Variants in SLC28A3 observed in about 807,000 individuals in gnomAD.
SLC28A3 encodes concentrative Na(+)-nucleoside cotransporter 3.
Under a neutral mutation model 84.2 loss-of-function variants are expected in SLC28A3, and 68 were observed. That is an observed-to-expected ratio of 0.81 (90% CI 0.66 to 0.99). SLC28A3 has a LOEUF of 0.99. Ranked by LOEUF, SLC28A3 falls within the 50% of genes least tolerant of loss-of-function variation. The pLI is 0.00. For synonymous variants in SLC28A3, 267 were observed against 303.6 expected (o/e 0.88, Z 1.25); for missense variants, 712 against 841.5 (o/e 0.85, Z 1.90).
chr9:84,285,437 C>A lies in SLC28A3; in HGVS notation c.1555G>T (p.Glu519Ter), dbSNP rs1357715870. The part of the protein sequence containing the change: ...RLIGYKTFFN[E>*]FVAYEHLSKW... ...GAGAGGTGCTCATAAGCCACAAATT[C>A]ATTGAAGAAGGTCTTATAACCTATG... The change falls in exon 14 of 18, where the codon GAA becomes TAA. Residue 519 changes from glutamate (E) to a stop codon, truncating the protein, a stop_gained. Coordinates refer to ENST00000376238, the MANE Select transcript of SLC28A3 (RefSeq NM_001199633.2). LOFTEE classifies it high-confidence loss of function. 2 of 1,614,182 alleles carry A rather than the reference C, an allele frequency of 1.2e-6. No individual in the cohort carries two copies. Among genetic ancestry groups the A allele is most frequent in the Admixed American group, 3.3e-5 (2 of 60,032 alleles).
intron 8 of SLC28A3, 49 bp downstream of exon 8, chr9:84,297,172 G>A (rs1588579539): frequency 2.0e-6 from 3 of 1,517,874 alleles, no homozygotes; most frequent in Non-Finnish European, 2.7e-6. Flanking sequence ...TACAAAGACA[G>A]AAGCCGCTGA....
the SLC28A3 span, among the ~76,000 whole-genome samples, chr9:84,359,689 A>G: frequency 6.6e-6 from 1 of 152,210 alleles, no homozygotes; most frequent in African/African-American, 2.4e-5. Flanking sequence ...GAAAAGATAA[A>G]GTATTAAATA....
intron 5 of SLC28A3, among the ~76,000 whole-genome samples, chr9:84,301,472 A>G (rs58447360): frequency 0.082 from 12,466 of 152,082 alleles, 1,676 homozygotes; most frequent in African/African-American, 0.28. Context: ...CTCCCATTGA[A>G]TAAAATTGGA....
At chr9:84,346,658 G>A in the SLC28A3 span, among the ~76,000 whole-genome samples, 1 of 152,174 alleles carries the variant, frequency 6.6e-6, no homozygotes, top group Non-Finnish European at 1.5e-5. Context: ...GGGGAAAAAG[G>A]AAAGCAATGA....
intron 1 of SLC28A3, among the ~76,000 whole-genome samples, chr9:84,314,124 CTTAGATG>C (rs1826087097): frequency 6.6e-6 from 1 of 151,986 alleles, no homozygotes; most frequent in South Asian, 2.1e-4. Context: ...TAGCCTTATT[CTTAGATG>C]TTAGATTTAC....
intron 1 of SLC28A3, among the ~76,000 whole-genome samples, chr9:84,325,099 A>G (rs7033971): frequency 0.095 from 14,416 of 152,198 alleles, 2,088 homozygotes; most frequent in African/African-American, 0.31. Context: ...TTTGCAATCA[A>G]TGAGGATCCC....
Position 84,315,681 on chromosome 9 carries a change from C to T in SLC28A3, c.61-2227G>A, listed in dbSNP as rs145589135. ...AGTATTTTCTGGAAGAACAATATCT[C>T]CCACTTGAGGATTTCCAACAGAATT... is the stretch of plus-strand genomic sequence containing the variant. On this transcript the variant is annotated intron_variant, in intron 1 of 17. Transcript: ENST00000376238. 4.7e-4 allele frequency among the ~76,000 whole-genome samples: 72 copies of T among 152,266 alleles called. No homozygotes were observed. The East Asian group carries it at 8.1e-3, about 17-fold the overall frequency.
rs141071406 is a variant in SLC28A3 at position 84,302,951 on chromosome 9, A to G, written c.335-562T>C. Among the ~76,000 whole-genome samples the G allele has an allele frequency of 3.9e-3, 588 of 152,332 alleles. 10 individuals carry two copies. The East Asian group carries it at 0.046, about 12-fold the overall frequency. Reference sequence around the variant, plus strand: ...TTCTAGGATAAGAATAAGGTTTCCTATTCTTAAAGGTCTGCAAAGATGTTC... The same window carrying G: ...TTCTAGGATAAGAATAAGGTTTCCTGTTCTTAAAGGTCTGCAAAGATGTTC... On this transcript the variant is annotated intron_variant, in intron 4 of 17. Transcript: ENST00000376238.
intron 14 of SLC28A3, among the ~76,000 whole-genome samples, chr9:84,283,931 A>G (rs1177488233): frequency 1.3e-5 from 2 of 152,162 alleles, no homozygotes; most frequent in Admixed American, 6.5e-5. Flanking sequence ...GAGAAACAAA[A>G]TGCCTTTCCC....
intron 16 of SLC28A3, 83 bp downstream of exon 16, chr9:84,279,892 A>G (rs1211435896): frequency 1.5e-6 from 2 of 1,321,178 alleles, no homozygotes; most frequent in Non-Finnish European, 1.1e-6. Context: ...CGTGTGCTGC[A>G]CATGCAAGCT....
intron 1 of SLC28A3, 50 bp from the exon 2 acceptor site, chr9:84,313,504 A>G (rs1194072790): frequency 6.7e-7 from 1 of 1,486,340 alleles, no homozygotes; most frequent in Admixed American, 1.8e-5. Context: ...GCCAAAAGAC[A>G]GATGTTCTTT....
chr9:84,314,845 A>G (rs1025549571), intron 1 of SLC28A3, among the ~76,000 whole-genome samples: 4 of 152,194 alleles, frequency 2.6e-5, no homozygotes, highest in Admixed American at 6.5e-5. Flanking sequence ...TTGGGAGGCC[A>G]AGGTGGGCGG....
At position 84,279,256 on chromosome 9, in the gene SLC28A3, A is replaced by T; in HGVS notation, c.1949+9T>A. 6.2e-7 allele frequency: 1 copy of T among 1,604,632 alleles called. No homozygotes were observed. The highest frequency in any genetic ancestry group is 8.5e-7 in the Non-Finnish European group (1 of 1,176,758). On this transcript the variant is annotated intron_variant, in intron 17 of 17. Transcript: ENST00000376238. ...GAGTATAAAGAAATTATAATCAAGA[A>T]TACAATACCTGCTCAACAGACTTTG...
In SLC28A3 at chr9:84,286,062, T is replaced by G. The variant is rs755511024; in HGVS notation, c.1330A>C (p.Ile444Leu). 3 of 1,614,036 alleles carry G rather than the reference T, an allele frequency of 1.9e-6. No homozygotes were observed. The highest frequency in any genetic ancestry group is 2.5e-6 in the Non-Finnish European group (3 of 1,179,962). The change falls in exon 13 of 18, where the codon ATC (isoleucine) becomes CTC (leucine). Residue 444 changes from isoleucine (I) to leucine (L), a missense_variant. By Grantham distance (5) the Ile-to-Leu change is conservative. Coordinates refer to ENST00000376238, the MANE Select transcript of SLC28A3 (RefSeq NM_001199633.2). ...EAATQGASSSISLVANIAVNL... is the reference protein window; with the variant it reads ...EAATQGASSSLSLVANIAVNL... Reference sequence around the variant, plus strand: ...ACAGCGATGTTGGCCACCAGGGAGATGGAGGAGGATGCTCCCTGTGTTGCA... The same window carrying G: ...ACAGCGATGTTGGCCACCAGGGAGAGGGAGGAGGATGCTCCCTGTGTTGCA...
intron 1 of SLC28A3, among the ~76,000 whole-genome samples, chr9:84,321,789 T>C (rs1259854205): frequency 1.4e-5 from 2 of 144,208 alleles, no homozygotes; most frequent in Admixed American, 1.4e-4. Context: ...TGGTGGCTCA[T>C]GCCTATAATC....
intron 1 of SLC28A3, among the ~76,000 whole-genome samples, chr9:84,333,312 C>A (rs995027574): frequency 6.6e-6 from 1 of 152,040 alleles, no homozygotes; most frequent in African/African-American, 2.4e-5. Context: ...TCCTTGTGGG[C>A]AAAACATGGG....
intron 6 of SLC28A3, 105 bp downstream of exon 6, chr9:84,299,476 A>G (rs1447709387): frequency 6.9e-7 from 1 of 1,447,114 alleles, no homozygotes; most frequent in Non-Finnish European, 9.4e-7. Context: ...TCAAGGTAAG[A>G]AAAGTACTGA....
At chr9:84,314,393 C>T (rs534493044) in intron 1 of SLC28A3, among the ~76,000 whole-genome samples, 32 of 152,124 alleles carry the variant, frequency 2.1e-4, no homozygotes, top group Non-Finnish European at 4.1e-4. Context: ...TTCAACTTGC[C>T]GTTTTCTAGA....
intron 1 of SLC28A3, among the ~76,000 whole-genome samples, chr9:84,316,542 G>A (rs538734819): frequency 6.6e-6 from 1 of 152,260 alleles, no homozygotes; most frequent in Non-Finnish European, 1.5e-5. Flanking sequence ...AGGGTGCTGA[G>A]TTGGGAGGAA....
Sources: allele counts gnomAD v4.1 joint callset (sites outside exome capture counted in the v4.1 genomes callset), GRCh38; gene constraint gnomAD v4.1.1; transcripts MANE v1.5; gene names NCBI Gene and HGNC (gene_info 2026-07-23, HGNC 2026-07-21).